Variants in GAREM2 observed in about 807,000 individuals in gnomAD.
GAREM2 encodes the protein GRB2 associated regulator of MAPK1 subtype 2.
GAREM2 carries 30 observed loss-of-function variants against 55.6 expected under a neutral mutation model. The ratio of observed to expected loss-of-function variants is 0.54; its 90% CI spans 0.40 to 0.73. The LOEUF is 0.73. Among genes scored for constraint, GAREM2 ranks in the 30% least tolerant of loss-of-function variants. GAREM2 has a pLI of 0.00. For missense variants in GAREM2, 1,075 were observed against 1,257.7 expected (o/e 0.85, Z 2.20); for synonymous variants, 550 against 569.1 (o/e 0.97, Z 0.48).
At chr2:26,177,223 A>T (rs914507784) in intron 2 of GAREM2, among the ~76,000 whole-genome samples, 1 of 152,104 alleles carries the variant, frequency 6.6e-6, no homozygotes, top group Non-Finnish European at 1.5e-5. Context: ...AGGTATCTCA[A>T]CTGAGGGCTG....
At chr2:26,190,293 T>A (rs184736526), downstream of GAREM2, among the ~76,000 whole-genome samples, 95 of 152,292 alleles carry the variant, frequency 6.2e-4, no homozygotes, top group African/African-American at 2.2e-3. Context: ...CCGCACACAC[T>A]CAGCGTGGAT....
chr2:26,202,364 G>A, the GAREM2 span, among the ~76,000 whole-genome samples: 1 of 152,108 alleles, frequency 6.6e-6, no homozygotes, highest in African/African-American at 2.4e-5. Context: ...TCTAAATGAA[G>A]AATGAAGCTA....
Position 26,184,275 on chromosome 2 carries a change from T to C in GAREM2, c.427T>C (p.Phe143Leu). The C allele has an allele frequency of 6.4e-7, 1 of 1,550,994 alleles. No individual in the cohort carries two copies. The highest frequency in any genetic ancestry group is 8.7e-7 in the Non-Finnish European group (1 of 1,146,734). Residue 143 changes from phenylalanine to leucine, a missense_variant, in exon 4 of 6, where the codon TTC becomes CTC. Phe to Leu is a conservative substitution (Grantham distance 22, BLOSUM62 0). Transcript: ENST00000401533. ...CAGCGAGGACAGCGAGGTGTACAAC[T>C]TCACGCTGCATGCGGGCGACGAGCT... Reference protein sequence around the residue: ...EFSEDSEVYNFTLHAGDELTL... With the variant: ...EFSEDSEVYNLTLHAGDELTL...
At chr2:26,195,329 G>A in the GAREM2 span, 1 of 1,057,176 alleles carries the variant, frequency 9.5e-7, no homozygotes, top group Non-Finnish European at 1.5e-6. Context: ...AAGAAAGGTG[G>A]CTGTGATATA....
the GAREM2 span, among the ~76,000 whole-genome samples, chr2:26,200,584 T>C: frequency 6.6e-6 from 1 of 152,240 alleles, no homozygotes. Flanking sequence ...CTATACTCTG[T>C]GAGGTTATCT....
At chr2:26,181,910 T>C (rs1035737715) in intron 2 of GAREM2, 2 of 684,382 alleles carry the variant, frequency 2.9e-6, no homozygotes, top group Non-Finnish European at 3.6e-6. Context: ...GCCCAGAAGG[T>C]TGAAGCTGCA....
At chr2:26,197,535 A>G in the GAREM2 span, among the ~76,000 whole-genome samples, 1 of 152,190 alleles carries the variant, frequency 6.6e-6, no homozygotes, top group Admixed American at 6.5e-5. Flanking sequence ...TGCATCTCAC[A>G]CTAGTCATGG....
the GAREM2 span, chr2:26,204,196 C>T: frequency 6.2e-7 from 1 of 1,613,840 alleles, no homozygotes; most frequent in East Asian, 2.2e-5. Flanking sequence ...TAGCCAGATG[C>T]CTGCAAGGCA....
At chr2:26,196,150 A>C in the GAREM2 span, among the ~76,000 whole-genome samples, 1 of 152,196 alleles carries the variant, frequency 6.6e-6, no homozygotes, top group Non-Finnish European at 1.5e-5. Flanking sequence ...CTAATTATCT[A>C]GATGAGGAAA....
At position 26,184,241 on chromosome 2, in the gene GAREM2, G is replaced by T; in HGVS notation, c.393G>T (p.Ser131=). 6.5e-7 allele frequency: 1 copy of T among 1,550,052 alleles called. No individual in the cohort carries two copies. Among genetic ancestry groups the T allele is most frequent in the Non-Finnish European group, 8.7e-7 (1 of 1,146,122 alleles). ...GTCTCTGGGATCCCCAGGTGGTGTC[G>T]GGCGAGTTCAGCGAGGACAGCGAGG... ...EAITFSVKVV[S]GEFSEDSEVY... The change falls in exon 4 of 6, where the codon TCG becomes TCT. Residue 131 remains serine, a synonymous_variant. Transcript: ENST00000401533.
At chr2:26,191,017 T>C, downstream of GAREM2, 2 of 603,412 alleles carry the variant, frequency 3.3e-6, no homozygotes, top group East Asian at 2.9e-5. Context: ...CCTCGGGGCT[T>C]ATACAATGAG....
downstream of GAREM2, chr2:26,193,475 G>A (rs1330650993): frequency 4.0e-6 from 4 of 1,006,790 alleles, no homozygotes; most frequent in Non-Finnish European, 6.4e-6. Flanking sequence ...TCTGTGTTTA[G>A]AAAACTTTCT....
At chr2:26,199,882 C>T in the GAREM2 span, among the ~76,000 whole-genome samples, 1 of 152,130 alleles carries the variant, frequency 6.6e-6, no homozygotes, top group Non-Finnish European at 1.5e-5. Context: ...GTGCCCCAAC[C>T]GAGCTTCCTG....
chr2:26,189,900 A>C (rs1669439202), downstream of GAREM2, among the ~76,000 whole-genome samples: 1 of 152,022 alleles, frequency 6.6e-6, no homozygotes, highest in Admixed American at 6.5e-5. Flanking sequence ...AACATAATTC[A>C]CACCTACCTG....
At chr2:26,181,504 T>C (rs371385472) in intron 2 of GAREM2, 26 of 152,368 alleles carry the variant, frequency 1.7e-4, no homozygotes, top group African/African-American at 5.8e-4. Context: ...CCTGCCACCA[T>C]TGGGTACTCA....
chr2:26,173,359 C>T, intron 1 of GAREM2, 27 bp downstream of exon 1: 2 of 1,248,394 alleles, frequency 1.6e-6, no homozygotes, highest in Non-Finnish European at 2.1e-6. Context: ...AGATGGGGAC[C>T]GGGGTCCGCG....
intron 2 of GAREM2, chr2:26,181,997 A>G: frequency 5.0e-6 from 5 of 990,412 alleles, no homozygotes; most frequent in Non-Finnish European, 3.6e-6. Flanking sequence ...CCCAGAGGCT[A>G]AAGAGTCACC....
Position 26,186,211 on chromosome 2 carries a change from T to C in GAREM2, c.1451T>C (p.Leu484Pro), listed in dbSNP as rs1254223300. The C allele has an allele frequency of 2.0e-6, 3 of 1,533,198 alleles. No homozygotes were observed. Among genetic ancestry groups the C allele is most frequent in the African/African-American group, 2.8e-5 (2 of 72,628 alleles). The allele number at this position is 1,533,198 out of a possible 1,614,324, so 95.0% of individuals were successfully genotyped here. ...TAGGTGAAGGAGGAGTGCCGCCTGC[T>C]CAATGCCCCTCCAGTGCCTCCCCGG... ...SEAVKEECRL[L>P]NAPPVPPRGG... The change falls in exon 5 of 6, where the codon CTC (leucine) becomes CCC (proline). Residue 484 changes from leucine to proline, a missense_variant. Leu to Pro is a moderately conservative substitution (Grantham distance 98). This residue lies in a region of GAREM2 where 515 missense variants were observed against 501.5 expected (regional missense o/e 1.03). Transcript: ENST00000401533.
In GAREM2 at chr2:26,177,318, G is replaced by A. The variant is rs139661486; in HGVS notation, c.253+834G>A. Among the ~76,000 whole-genome samples the A allele has an allele frequency of 2.6e-3, 403 of 152,236 alleles. 1 individual carries two copies. Among genetic ancestry groups the A allele is most frequent in the African/African-American group, 9.2e-3 (381 of 41,530 alleles). On this transcript the variant is annotated intron_variant, in intron 2 of 5. Transcript: ENST00000401533. ...AGTCTGGTGGCCCCATCCCAGAGAC[G>A]TCCCCGTGTGAGCCCCGGATCCCAC...
Sources: allele counts gnomAD v4.1 joint callset (sites outside exome capture counted in the v4.1 genomes callset), GRCh38; gene constraint gnomAD v4.1.1; regional missense constraint gnomAD v4.1.1; transcripts MANE v1.5; gene names NCBI Gene and HGNC (gene_info 2026-07-23, HGNC 2026-07-21).